Variants in FHIT observed in about 807,000 individuals in gnomAD.
FHIT encodes the protein bis(5'-adenosyl)-triphosphatase.
A neutral mutation model predicts 17.9 loss-of-function variants in FHIT; 19 were observed. The observed-to-expected ratio is 1.06, with a 90% CI of 0.74 to 1.56. The LOEUF is 1.56. Ranked by LOEUF, FHIT falls within the 40% of genes most tolerant of loss-of-function variation. The probability of loss-of-function intolerance (pLI) is 0.00; values close to 1 mark genes in which losing one functional copy is unlikely to be tolerated. For missense variants in FHIT, 248 were observed against 189.2 expected (o/e 1.31, Z -1.82); for synonymous variants, 81 against 69.7 (o/e 1.16, Z -0.81).
chr3:61,029,847 A>C (rs2032924789), intron 3 of FHIT, among the ~76,000 whole-genome samples: 1 of 152,202 alleles, frequency 6.6e-6, no homozygotes, highest in Non-Finnish European at 1.5e-5. Flanking sequence ...AACTAAAAGC[A>C]AGGCAATATT....
intron 5 of FHIT, among the ~76,000 whole-genome samples, chr3:60,378,312 C>T (rs577172190): frequency 3.5e-4 from 53 of 152,282 alleles, no homozygotes; most frequent in African/African-American, 1.2e-3. Flanking sequence ...CCCATAGTTT[C>T]CACACAAACA....
intron 5 of FHIT, among the ~76,000 whole-genome samples, chr3:60,035,474 C>T (rs1701177986): frequency 6.6e-6 from 1 of 152,140 alleles, no homozygotes; most frequent in Non-Finnish European, 1.5e-5. Flanking sequence ...CTTGCCTTGG[C>T]CTCCCAAAGT....
intron 2 of FHIT, among the ~76,000 whole-genome samples, chr3:61,093,903 G>C (rs1189043096): frequency 6.6e-6 from 1 of 152,156 alleles, no homozygotes; most frequent in Non-Finnish European, 1.5e-5. Context: ...CCAACAGCCA[G>C]GTTTGAAGTT....
In FHIT at chr3:60,027,996, T is replaced by G. The variant is rs143813998; in HGVS notation, c.104-13844A>C. 5.6e-3 allele frequency among the ~76,000 whole-genome samples: 853 copies of G among 152,312 alleles called. 7 individuals are homozygous for G. The highest frequency in any genetic ancestry group is 0.019 in the African/African-American group (807 of 41,566). ...TACATTTAAAAATTAAATTTAAACT[T>G]TACATTTTAAATACCACCCTGTAGC... is the stretch of plus-strand genomic sequence containing the variant. On this transcript the variant is annotated intron_variant, in intron 5 of 9. Transcript: ENST00000492590.
intron 2 of FHIT, among the ~76,000 whole-genome samples, chr3:61,139,265 G>A (rs913449691): frequency 1.3e-5 from 2 of 152,016 alleles, no homozygotes; most frequent in African/African-American, 2.4e-5. Context: ...TCCTGACCTC[G>A]TGATCTGCCC....
chr3:60,946,891 A>C, intron 3 of FHIT, among the ~76,000 whole-genome samples: 1 of 152,338 alleles, frequency 6.6e-6, no homozygotes, highest in Middle Eastern at 3.4e-3. Context: ...CCTATAAGAT[A>C]GACAATAGGC....
chr3:60,139,015 G>A (rs930434766), intron 5 of FHIT, among the ~76,000 whole-genome samples: 3 of 152,084 alleles, frequency 2.0e-5, no homozygotes, highest in Non-Finnish European at 4.4e-5. Flanking sequence ...GTGCCCAAAA[G>A]CCCGATGTCT....
At chr3:60,990,786 C>G (rs955044311) in intron 3 of FHIT, among the ~76,000 whole-genome samples, 1 of 152,136 alleles carries the variant, frequency 6.6e-6, no homozygotes, top group Non-Finnish European at 1.5e-5. Flanking sequence ...GAAATTTGGA[C>G]CTCCCACAGC....
chr3:60,293,197 C>A (rs1219892315), intron 5 of FHIT, among the ~76,000 whole-genome samples: 1 of 151,928 alleles, frequency 6.6e-6, no homozygotes, highest in Non-Finnish European at 1.5e-5. Flanking sequence ...GAAGAGGAGC[C>A]TAAATATGAT....
chr3:60,479,044 A>G (rs1013977715), intron 5 of FHIT, among the ~76,000 whole-genome samples: 21 of 152,212 alleles, frequency 1.4e-4, no homozygotes, highest in African/African-American at 4.6e-4. Flanking sequence ...ATTCATGATG[A>G]AACTGTCAAA....
chr3:60,973,439 T>C (rs1710108396), intron 3 of FHIT, among the ~76,000 whole-genome samples: 1 of 152,114 alleles, frequency 6.6e-6, no homozygotes, highest in Non-Finnish European at 1.5e-5. Flanking sequence ...CCTGGGAGTG[T>C]ACAAAAAGGC....
At chr3:60,821,194 T>G (rs1701917495) in intron 4 of FHIT, among the ~76,000 whole-genome samples, 1 of 152,130 alleles carries the variant, frequency 6.6e-6, no homozygotes, top group Non-Finnish European at 1.5e-5. Context: ...CAGGCTGGTC[T>G]CAAACTCCTG....
chr3:60,615,111 A>T (rs1265118617), intron 4 of FHIT, among the ~76,000 whole-genome samples: 1 of 152,052 alleles, frequency 6.6e-6, no homozygotes, highest in Non-Finnish European at 1.5e-5. Context: ...TACAGTAAAA[A>T]TTTCTTATAT....
At chr3:61,200,746 T>A (rs1466308614) in intron 1 of FHIT, 81 bp from the exon 2 acceptor site, 6 of 152,592 alleles carry the variant, frequency 3.9e-5, no homozygotes, top group Non-Finnish European at 8.8e-5. Context: ...CTAAATAGAA[T>A]TTCCATATGC....
intron 4 of FHIT, among the ~76,000 whole-genome samples, chr3:60,593,745 C>A (rs1008818984): frequency 9.2e-5 from 14 of 152,060 alleles, no homozygotes; most frequent in Non-Finnish European, 1.6e-4. Flanking sequence ...CTTTTAGGAA[C>A]AAATTGCCCT....
At chr3:60,586,159 T>C (rs1428497794) in intron 4 of FHIT, among the ~76,000 whole-genome samples, 1 of 151,836 alleles carries the variant, frequency 6.6e-6, no homozygotes, top group Non-Finnish European at 1.5e-5. Context: ...ATGAGCACAC[T>C]GGCTGCAGTA....
intron 5 of FHIT, among the ~76,000 whole-genome samples, chr3:60,112,953 T>C (rs749991328): frequency 1.3e-5 from 2 of 152,212 alleles, no homozygotes; most frequent in Non-Finnish European, 2.9e-5. Context: ...CATGGAATGC[T>C]ATGGGCTGAT....
intron 4 of FHIT, among the ~76,000 whole-genome samples, chr3:60,817,352 G>C (rs1701778002): frequency 6.6e-6 from 1 of 151,902 alleles, no homozygotes; most frequent in Admixed American, 6.6e-5. Flanking sequence ...GATTCCATCT[G>C]GTGTTATCTC....
chr3:60,249,450 G>C lies in FHIT; in HGVS notation c.104-235298C>G, dbSNP rs968791279. Reference sequence around the variant, plus strand: ...AAGGATAAGCCACAGCTCTGGTGAGGACAACTGGCAAAATCCCATCACCCT... The same window carrying C: ...AAGGATAAGCCACAGCTCTGGTGAGCACAACTGGCAAAATCCCATCACCCT... On this transcript the variant is annotated intron_variant, in intron 5 of 9. Coordinates refer to ENST00000492590, the MANE Select transcript of FHIT (RefSeq NM_002012.4). 2.0e-5 allele frequency among the ~76,000 whole-genome samples: 3 copies of C among 152,104 alleles called. No homozygotes were observed. In the South Asian group the frequency reaches 6.2e-4, roughly 32 times the overall value.
Sources: allele counts gnomAD v4.1 joint callset (sites outside exome capture counted in the v4.1 genomes callset), GRCh38; gene constraint gnomAD v4.1.1; transcripts MANE v1.5; gene names NCBI Gene and HGNC (gene_info 2026-07-23, HGNC 2026-07-21).